COL9A1: variants seen among roughly 807,000 people sequenced by gnomAD.
COL9A1 encodes the protein collagen type IX alpha 1 chain, also known as collagen alpha-1(IX) chain.
A neutral mutation model predicts 142.6 loss-of-function variants in COL9A1; 104 were observed. The ratio of observed to expected loss-of-function variants is 0.73; its 90% CI spans 0.62 to 0.86. The LOEUF (loss-of-function observed/expected upper bound fraction) is 0.86. COL9A1 is among the 40% of genes least tolerant of loss of function. The pLI, the probability that COL9A1 is intolerant of heterozygous loss-of-function variation, is 0.00. For missense variants in COL9A1, 1,210 were observed against 1,176.6 expected (o/e 1.03, Z -0.42); for synonymous variants, 466 against 396.0 (o/e 1.18, Z -2.10).
chr6:70,297,855 A>G (rs748931014), intron 4 of COL9A1, among the ~76,000 whole-genome samples: 21 of 151,472 alleles, frequency 1.4e-4, no homozygotes, highest in Non-Finnish European at 1.9e-4. Context: ...AATAAAAAAC[A>G]GCAAAAAAAA....
intron 4 of COL9A1, among the ~76,000 whole-genome samples, chr6:70,295,008 C>T (rs1260476873): frequency 6.6e-6 from 1 of 152,168 alleles, no homozygotes; most frequent in Non-Finnish European, 1.5e-5. Context: ...AAGCAGCTAG[C>T]AGCTTCTAAT....
intron 12 of COL9A1, among the ~76,000 whole-genome samples, chr6:70,273,418 G>T (rs956665600): frequency 6.6e-6 from 1 of 152,088 alleles, no homozygotes. Context: ...TGGAAAAGTT[G>T]ACATGCTGAA....
intron 8 of COL9A1, 140 bp downstream of exon 8, chr6:70,281,250 G>T (rs183022610): frequency 4.5e-6 from 4 of 886,500 alleles, no homozygotes; most frequent in Non-Finnish European, 6.9e-6. Context: ...GCCCATGTCT[G>T]ATCCTGCCTT....
chr6:70,285,948 G>A (rs1773436072), intron 5 of COL9A1, among the ~76,000 whole-genome samples: 1 of 151,948 alleles, frequency 6.6e-6, no homozygotes, highest in Non-Finnish European at 1.5e-5. Context: ...GAGTGCAGTA[G>A]CACAATCTTG....
rs1186518374 is a variant in COL9A1 at position 70,230,649 on chromosome 6, G to C, written c.2503+1934C>G. Among the ~76,000 whole-genome samples, 7 of 152,148 alleles carry C rather than the reference G, an allele frequency of 4.6e-5. 1 individual carries two copies. Among genetic ancestry groups the C allele is most frequent in the Admixed American group, 1.3e-4 (2 of 15,280 alleles). On this transcript the variant is annotated intron_variant, in intron 36 of 37. Transcript: ENST00000357250. ...GCTAGAGCCAACCCAACCCAGCCTA[G>C]CCACAATTCACTGTTGCTAAAGCTT...
At chr6:70,217,700 G>A (rs1183330144) in intron 37 of COL9A1, among the ~76,000 whole-genome samples, 1 of 152,156 alleles carries the variant, frequency 6.6e-6, no homozygotes, top group East Asian at 1.9e-4. Flanking sequence ...ATCCGGGCAG[G>A]GAGAAGTATA....
intron 11 of COL9A1, among the ~76,000 whole-genome samples, chr6:70,274,485 A>G (rs1772620608): frequency 6.6e-6 from 1 of 152,084 alleles, no homozygotes; most frequent in Admixed American, 6.6e-5. Flanking sequence ...TTCCTGCGTT[A>G]GTTTGCTGAA....
At chr6:70,240,578 AATAT>A (rs57686729) in intron 32 of COL9A1, 107 bp downstream of exon 32, 820 of 470,422 alleles carry the variant, frequency 1.7e-3, no homozygotes, top group Non-Finnish European at 2.1e-3. Flanking sequence ...AGAAAATAAG[AATAT>A]ATATATATAT....
intron 5 of COL9A1, among the ~76,000 whole-genome samples, chr6:70,285,665 C>T (rs993242279): frequency 2.6e-5 from 4 of 152,216 alleles, no homozygotes; most frequent in Admixed American, 1.3e-4. Flanking sequence ...TTCCCCTCTC[C>T]ACACTGGGTT....
intron 4 of COL9A1, among the ~76,000 whole-genome samples, chr6:70,298,759 C>T (rs1773942939): frequency 1.3e-5 from 2 of 152,150 alleles, no homozygotes; most frequent in Admixed American, 6.5e-5. Flanking sequence ...AAAGAAAAAA[C>T]TGAATTTTTA....
chr6:70,262,297 A>G (rs193204299), intron 19 of COL9A1, among the ~76,000 whole-genome samples: 1 of 152,262 alleles, frequency 6.6e-6, no homozygotes, highest in East Asian at 1.9e-4. Context: ...CCTAGACACC[A>G]CAGATTCCCT....
In COL9A1 at chr6:70,266,760, C is replaced by T; in HGVS notation, c.1298G>A (p.Gly433Glu). ...TGGTTCACCAATTTCTCCTTTAGCCCCTTTATGACCCTAACAAATGCAAAA... is the reference window on the plus strand; with the variant it reads ...TGGTTCACCAATTTCTCCTTTAGCCTCTTTATGACCCTAACAAATGCAAAA... ...PGLPGMRGHK[G>E]AKGEIGEPGR... The change falls in exon 18 of 38, where the codon GGG (glycine) becomes GAG (glutamate). Residue 433 changes from glycine (G) to glutamate (E), a missense_variant. Coordinates refer to ENST00000357250, the MANE Select transcript of COL9A1 (RefSeq NM_001851.6). The T allele has an allele frequency of 6.2e-7, 1 of 1,613,186 alleles. No individual in the cohort carries two copies. The highest frequency in any genetic ancestry group is 1.1e-5 in the South Asian group (1 of 91,052).
chr6:70,298,705 TC>T (rs1773941605), intron 4 of COL9A1, among the ~76,000 whole-genome samples: 1 of 152,118 alleles, frequency 6.6e-6, no homozygotes, highest in Admixed American at 6.5e-5. Context: ...GAAGAGAAAA[TC>T]AGGTCAGCAC....
At position 70,282,885 on chromosome 6, in the gene COL9A1, G is replaced by T. The variant is rs1773260297; in HGVS notation, c.801+13C>A. The T allele has an allele frequency of 1.2e-6, 2 of 1,614,164 alleles. No individual in the cohort carries two copies. The highest frequency in any genetic ancestry group is 2.2e-5 in the South Asian group (2 of 91,076). ...CGCTTGAAAAATGCAAACACTCCCT[G>T]CCCCCAACTTACCTCGTCGGTGGTC... On this transcript the variant is annotated intron_variant, in intron 7 of 37. Transcript: ENST00000357250.
Position 70,302,033 on chromosome 6 carries a change from G to T in COL9A1, c.56C>A (p.Pro19His), listed in dbSNP as rs146700420. Residue 19 changes from proline (P) to histidine (H), a missense_variant, in exon 2 of 38, where the codon CCC (proline) becomes CAC (histidine). Coordinates refer to ENST00000357250, the MANE Select transcript of COL9A1 (RefSeq NM_001851.6). ...VFFFVCSFLE[P>H]WASAAVKRRP... ...ACGCTTGACAGCTGCAGATGCCCAG[G>T]GTTCCAGGAAACTGCACACAAAGAA... is the stretch of plus-strand genomic sequence containing the variant. 18 of 1,611,764 alleles carry T rather than the reference G, an allele frequency of 1.1e-5. No homozygotes were observed. Among genetic ancestry groups the T allele is most frequent in the Non-Finnish European group, 1.5e-5 (18 of 1,179,220 alleles).
rs1419293202 is a variant in COL9A1, at chr6:70,281,399, A to G, written c.867T>C (p.Asp289=). The G allele has an allele frequency of 5.0e-6, 8 of 1,613,520 alleles. No individual in the cohort carries two copies. The highest frequency in any genetic ancestry group is 2.2e-5 in the South Asian group (2 of 91,034). The change falls in exon 8 of 38, where the codon GAT becomes GAC. Residue 289 remains aspartate, a synonymous_variant. Coordinates refer to ENST00000357250, the MANE Select transcript of COL9A1 (RefSeq NM_001851.6). ...PPGPPGVPGI[D]GIDGDRGPKG... Reference sequence around the variant, plus strand: ...GGAGATAGAAACTTACGTCGATGCCATCGATGCCTGGAACTCCAGGGGGGC... The same window carrying G: ...GGAGATAGAAACTTACGTCGATGCCGTCGATGCCTGGAACTCCAGGGGGGC...
intron 15 of COL9A1, 150 bp downstream of exon 15, chr6:70,270,164 C>A: frequency 1.4e-6 from 1 of 726,972 alleles, no homozygotes. Context: ...CTAAACAGAA[C>A]CATGCCCTTG....
At chr6:70,256,738 A>T (rs776137394) in intron 21 of COL9A1, 30 bp downstream of exon 21, 2 of 1,610,612 alleles carry the variant, frequency 1.2e-6, no homozygotes, top group African/African-American at 1.3e-5. Context: ...AAAATCTATC[A>T]TTGGGTTTTG....
intron 12 of COL9A1, among the ~76,000 whole-genome samples, chr6:70,273,304 A>T (rs1306784824): frequency 2.0e-5 from 3 of 152,188 alleles, no homozygotes; most frequent in Non-Finnish European, 4.4e-5. Context: ...AACAAATTTC[A>T]CTAAACAAAA....
Sources: allele counts gnomAD v4.1 joint callset (sites outside exome capture counted in the v4.1 genomes callset), GRCh38; gene constraint gnomAD v4.1.1; transcripts MANE v1.5; gene names NCBI Gene and HGNC (gene_info 2026-07-23, HGNC 2026-07-21).